The following TDRD3 variants were observed in gnomAD, a reference collection of about 807,000 sequenced individuals.
The protein encoded by TDRD3 is tudor domain-containing protein 3.
TDRD3 carries 45 observed loss-of-function variants against 86.7 expected under a neutral mutation model. The ratio of observed to expected loss-of-function variants is 0.52; its 90% confidence interval spans 0.41 to 0.67. The LOEUF (loss-of-function observed/expected upper bound fraction) is 0.67, where lower values mean the gene tolerates loss of function less well. TDRD3 is among the 30% of genes least tolerant of loss of function. The probability of loss-of-function intolerance (pLI) is 0.00; values close to 1 mark genes in which losing one functional copy is unlikely to be tolerated. For synonymous variants in TDRD3, 298 were observed against 301.7 expected (o/e 0.99, Z 0.13); for missense variants, 814 against 889.0 (o/e 0.92, Z 1.07).
intron 8 of TDRD3, among the ~76,000 whole-genome samples, chr13:60,508,184 C>T (rs1956978827): frequency 6.6e-6 from 1 of 152,086 alleles, no homozygotes; most frequent in African/African-American, 2.4e-5. Context: ...ATGAAAATGG[C>T]CATACTGCCC....
chr13:60,467,178 G>A (rs9538715), intron 4 of TDRD3, 60 bp from the exon 5 acceptor site: 248,793 of 1,588,772 alleles, frequency 0.16, 20,021 homozygotes, highest in South Asian at 0.19. Flanking sequence ...GTTGTTTCCC[G>A]CCCTGTGTCC....
intron 2 of TDRD3, among the ~76,000 whole-genome samples, chr13:60,440,653 C>T (rs1955241311): frequency 6.6e-6 from 1 of 152,044 alleles, no homozygotes; most frequent in Admixed American, 6.6e-5. Context: ...TGCACTCCAG[C>T]CTGGGCAACA....
chr13:60,469,872 G>C (rs1417716104), intron 5 of TDRD3, among the ~76,000 whole-genome samples: 2 of 152,098 alleles, frequency 1.3e-5, no homozygotes. Flanking sequence ...TGTTTTTATT[G>C]TGGCAAAGTA....
chr13:60,494,460 G>A lies in TDRD3; in HGVS notation c.743G>A (p.Gly248Asp). 2 of 1,613,398 alleles carry A rather than the reference G, an allele frequency of 1.2e-6. No individual in the cohort carries two copies. The highest frequency in any genetic ancestry group is 1.7e-6 in the Non-Finnish European group (2 of 1,179,626). Residue 248 changes from glycine (G) to aspartate (D), a missense_variant, in exon 8 of 14, where the codon GGT becomes GAT. Coordinates refer to ENST00000377881, the MANE Select transcript of TDRD3 (RefSeq NM_001146070.2). ...KETKTFGGGG[G>D]GARSNLNMNA... is the part of the protein sequence containing the mutation. ...ACCAAGACATTTGGAGGAGGTGGTG[G>A]TGGTGCTAGAAGTAATCTCAATATG... is the stretch of plus-strand genomic sequence containing the variant.
intron 1 of TDRD3, among the ~76,000 whole-genome samples, chr13:60,416,354 C>A (rs1297357220): frequency 6.6e-6 from 1 of 152,040 alleles, no homozygotes; most frequent in East Asian, 1.9e-4. Flanking sequence ...GATGGTGATA[C>A]TTGCTCTTAC....
chr13:60,481,911 A>G (rs1956326618), intron 5 of TDRD3, among the ~76,000 whole-genome samples: 1 of 152,078 alleles, frequency 6.6e-6, no homozygotes, highest in Admixed American at 6.5e-5. Flanking sequence ...GATCAGTTTG[A>G]CCCCTTCAAG....
At chr13:60,490,135 A>C (rs1177111586) in intron 7 of TDRD3, among the ~76,000 whole-genome samples, 1 of 149,968 alleles carries the variant, frequency 6.7e-6, no homozygotes, top group African/African-American at 2.4e-5. Context: ...TAAAACTAAC[A>C]AACAAACTTG....
intron 12 of TDRD3, among the ~76,000 whole-genome samples, chr13:60,557,819 G>GTTTTTTTTTT (rs1491187240): frequency 2.2e-5 from 2 of 89,924 alleles, no homozygotes; most frequent in African/African-American, 3.6e-5. Context: ...TTTTTTTCCT[G>GTTTTTTTTTT]ATTTTTTTTT....
chr13:60,485,774 G>A (rs368978903), intron 6 of TDRD3, 25 bp from the exon 7 acceptor site: 7 of 1,537,360 alleles, frequency 4.6e-6, no homozygotes, highest in Non-Finnish European at 6.1e-6. Flanking sequence ...CTACTAAGTT[G>A]ACTTATTCTT....
rs1164815837 is a variant in TDRD3 at position 60,550,741 on chromosome 13, T to C, written c.2118+15508T>C. ...GTTAGGTTAACTTACTGGGATAAAA[T>C]AGTCAAATTGCTTGACTCAAACCAG... On this transcript the variant is annotated intron_variant, in intron 12 of 13. Coordinates refer to ENST00000377881, the MANE Select transcript of TDRD3 (RefSeq NM_001146070.2). Among the ~76,000 whole-genome samples the C allele has an allele frequency of 2.0e-5, 3 of 152,146 alleles. No individual in the cohort carries two copies. The East Asian group carries it at 5.8e-4, about 29-fold the overall frequency.
chr13:60,395,710 ACCG>A (rs1311247020), upstream of TDRD3, among the ~76,000 whole-genome samples: 1 of 152,182 alleles, frequency 6.6e-6, no homozygotes, highest in African/African-American at 2.4e-5. Flanking sequence ...GAAAATTCTA[ACCG>A]CCAATAAAAA....
chr13:60,442,674 A>G (rs894153395), intron 2 of TDRD3, among the ~76,000 whole-genome samples: 6 of 152,078 alleles, frequency 3.9e-5, no homozygotes, highest in African/African-American at 1.2e-4. Context: ...GACACATACT[A>G]TATATATGTA....
intron 1 of TDRD3, among the ~76,000 whole-genome samples, chr13:60,418,735 C>A (rs75678928): frequency 0.011 from 1,695 of 152,290 alleles, 39 homozygotes; most frequent in African/African-American, 0.039. Context: ...TTCTCCTGCT[C>A]TGTTCCTTCT....
At chr13:60,399,868 G>A (rs990148930) in intron 1 of TDRD3, among the ~76,000 whole-genome samples, 4 of 152,144 alleles carry the variant, frequency 2.6e-5, no homozygotes, top group African/African-American at 9.7e-5. Flanking sequence ...CTTCAGGGGG[G>A]TACAGAAGAT....
At chr13:60,570,020 G>A (rs1172067513) in intron 13 of TDRD3, among the ~76,000 whole-genome samples, 1 of 152,132 alleles carries the variant, frequency 6.6e-6, no homozygotes, top group Non-Finnish European at 1.5e-5. Context: ...AACTTTTTGA[G>A]TAAGACCTCA....
At chr13:60,451,836 C>G (rs1399360049) in intron 3 of TDRD3, among the ~76,000 whole-genome samples, 1 of 152,128 alleles carries the variant, frequency 6.6e-6, no homozygotes, top group Non-Finnish European at 1.5e-5. Context: ...GCTATTCTCT[C>G]CCCTGCCCAT....
At position 60,535,169 on chromosome 13, in the gene TDRD3, T is replaced by C. The variant is rs1051314769; in HGVS notation, c.2054T>C (p.Ile685Thr). Residue 685 changes from isoleucine (I) to threonine (T), a missense_variant, in exon 12 of 14, where the codon ATT (isoleucine) becomes ACT (threonine). Coordinates refer to ENST00000377881, the MANE Select transcript of TDRD3 (RefSeq NM_001146070.2). Reference protein sequence around the residue: ...SSGMTAVVKFIDYGNYEEVLL... With the variant: ...SSGMTAVVKFTDYGNYEEVLL... The stretch of plus-strand genomic sequence containing the variant: ...GGTATGACAGCAGTTGTTAAATTCA[T>C]TGACTACGGAAACTATGAAGAGGTG... The C allele has an allele frequency of 2.5e-6, 4 of 1,613,884 alleles. No homozygotes were observed. In the African/African-American group the frequency reaches 4.0e-5, roughly 16 times the overall value.
chr13:60,541,729 T>G (rs1957816765), intron 12 of TDRD3, among the ~76,000 whole-genome samples: 5 of 128,764 alleles, frequency 3.9e-5, no homozygotes, highest in African/African-American at 1.4e-4. Flanking sequence ...TTTTTTTTTT[T>G]TTTTTTTTTT....
intron 1 of TDRD3, among the ~76,000 whole-genome samples, chr13:60,408,420 TAGAAGA>T (rs1954284571): frequency 6.6e-6 from 1 of 152,156 alleles, no homozygotes; most frequent in Non-Finnish European, 1.5e-5. Flanking sequence ...TTGGAGGGCT[TAGAAGA>T]AGACAGGAAA....
Sources: allele counts gnomAD v4.1 joint callset (sites outside exome capture counted in the v4.1 genomes callset), GRCh38; gene constraint gnomAD v4.1.1; transcripts MANE v1.5; gene names NCBI Gene and HGNC (gene_info 2026-07-23, HGNC 2026-07-21).